APBB2: variants seen among roughly 807,000 people sequenced by gnomAD.
APBB2 encodes amyloid beta precursor protein binding family B member 2.
APBB2 carries 38 observed loss-of-function variants against 82.5 expected under a neutral mutation model. The observed-to-expected ratio is 0.46, with a 90% confidence interval of 0.36 to 0.60. APBB2 has a LOEUF of 0.60. Among genes scored for constraint, APBB2 ranks in the 20% least tolerant of loss-of-function variants. APBB2 has a pLI of 0.00. For missense variants in APBB2, 772 were observed against 972.3 expected (o/e 0.79, Z 2.74); for synonymous variants, 341 against 368.2 (o/e 0.93, Z 0.85).
intron 2 of APBB2, among the ~76,000 whole-genome samples, chr4:41,139,809 A>C (rs1324196765): frequency 1.3e-5 from 2 of 152,206 alleles, no homozygotes; most frequent in Non-Finnish European, 2.9e-5. Flanking sequence ...CAGTGAAACT[A>C]TTTTGTATGA....
At chr4:41,040,855 C>G (rs761649131) in intron 4 of APBB2, among the ~76,000 whole-genome samples, 5 of 152,178 alleles carry the variant, frequency 3.3e-5, no homozygotes, top group Non-Finnish European at 5.9e-5. Context: ...AAATAAAGCA[C>G]ACTTGAGAAC....
In APBB2 at chr4:41,049,323, G is replaced by T. The variant is rs1156414578; in HGVS notation, c.-50-16019C>A. On this transcript the variant is annotated intron_variant, in intron 4 of 17. Coordinates refer to ENST00000508593, the MANE Select transcript of APBB2 (RefSeq NM_004307.2). Reference sequence around the variant, plus strand: ...CCCTCTGCCCGGCAGCCGCCCCGTCGGAGAAGTGAGGAGCGTCTCCGACCG... The same window carrying T: ...CCCTCTGCCCGGCAGCCGCCCCGTCTGAGAAGTGAGGAGCGTCTCCGACCG... Among the ~76,000 whole-genome samples the T allele has an allele frequency of 5.3e-5, 5 of 94,746 alleles. No homozygotes were observed. The South Asian group carries it at 1.7e-3, about 32-fold the overall frequency. 62.2% of individuals were successfully genotyped at this position (94,746 alleles called of 152,430 possible).
intron 6 of APBB2, among the ~76,000 whole-genome samples, chr4:40,975,753 A>AACACACACACACACACACACACACAC: frequency 7.0e-6 from 1 of 142,012 alleles, no homozygotes; most frequent in Non-Finnish European, 1.5e-5. Flanking sequence ...GTAGTAAGAA[A>AACACACACACACACACACACACACAC]ACACACACAC....
chr4:41,050,474 C>T (rs1031991613), intron 4 of APBB2, among the ~76,000 whole-genome samples: 4 of 152,162 alleles, frequency 2.6e-5, no homozygotes, highest in African/African-American at 9.7e-5. Context: ...TATTGTTTTT[C>T]CAGAGGGTTT....
At chr4:41,032,519 T>G (rs979279391) in intron 5 of APBB2, among the ~76,000 whole-genome samples, 1 of 151,278 alleles carries the variant, frequency 6.6e-6, no homozygotes, top group African/African-American at 2.4e-5. Flanking sequence ...GGGGGGTTTC[T>G]GTCTAAGCAA....
At chr4:41,084,358 A>G (rs547511639) in intron 3 of APBB2, among the ~76,000 whole-genome samples, 24 of 152,328 alleles carry the variant, frequency 1.6e-4, no homozygotes, top group Non-Finnish European at 3.1e-4. Flanking sequence ...CAGGTGGCAG[A>G]GGTTGCAGTG....
chr4:41,074,505 C>T (rs961980178), intron 3 of APBB2, among the ~76,000 whole-genome samples: 1 of 152,046 alleles, frequency 6.6e-6, no homozygotes, highest in African/African-American at 2.4e-5. Flanking sequence ...CGTCTCAGAA[C>T]TTCTACATAC....
At position 40,814,358 on chromosome 4, in the gene APBB2, T is replaced by C. The variant is rs1745077670; in HGVS notation, c.*1734A>G. Reference sequence around the variant, plus strand: ...TTCCATACCTGCTCTTCTTAGTATATGCCCAGAATCATTCTGGAAAGGCTC... The same window carrying C: ...TTCCATACCTGCTCTTCTTAGTATACGCCCAGAATCATTCTGGAAAGGCTC... On this transcript the variant is annotated 3_prime_UTR_variant, in exon 18 of 18. Transcript: ENST00000508593. 1 of 152,164 alleles carries C rather than the reference T, an allele frequency of 6.6e-6. No homozygotes were observed. The allele number at this position is 152,164 out of a possible 1,614,324, so 9.4% of individuals were successfully genotyped here. A position where few individuals can be genotyped will look rare whatever the true frequency, so the allele number is the denominator to read the frequency against.
At chr4:41,081,573 G>A (rs73810821) in intron 3 of APBB2, among the ~76,000 whole-genome samples, 1,916 of 152,236 alleles carry the variant, frequency 0.013, 34 homozygotes, top group African/African-American at 0.044. Context: ...TGTGTCAAAT[G>A]CCTGAATTGA....
At chr4:40,969,285 C>T (rs879707828) in intron 6 of APBB2, among the ~76,000 whole-genome samples, 4 of 152,144 alleles carry the variant, frequency 2.6e-5, no homozygotes, top group Non-Finnish European at 5.9e-5. Flanking sequence ...AAGTTAAGGA[C>T]CCTGAAGTTA....
At chr4:40,950,355 CAT>C (rs1789759828) in intron 6 of APBB2, among the ~76,000 whole-genome samples, 2 of 152,200 alleles carry the variant, frequency 1.3e-5, no homozygotes, top group South Asian at 2.1e-4. Context: ...CACCAGGTAA[CAT>C]ATTCATATCA....
At chr4:41,186,754 T>C (rs1222717274) in intron 1 of APBB2, among the ~76,000 whole-genome samples, 1 of 152,214 alleles carries the variant, frequency 6.6e-6, no homozygotes. Flanking sequence ...GCACTATTAT[T>C]ATTACTAACT....
Position 41,149,821 on chromosome 4 carries a change from G to A in APBB2, c.-416-6679C>T, listed in dbSNP as rs150476740. 2.2e-3 allele frequency among the ~76,000 whole-genome samples: 341 copies of A among 152,254 alleles called. 1 individual carries two copies. Among genetic ancestry groups the A allele is most frequent in the African/African-American group, 7.9e-3 (328 of 41,552 alleles). ...ATGCTGTTCTCATGATAGTGAGTAA[G>A]TCTCACGAGATCTGATGGTTTTATA... On this transcript the variant is annotated intron_variant, in intron 1 of 17. Transcript: ENST00000508593.
intron 17 of APBB2, among the ~76,000 whole-genome samples, chr4:40,821,108 C>T (rs1244720722): frequency 5.9e-5 from 9 of 152,178 alleles, no homozygotes; most frequent in African/African-American, 9.7e-5. Context: ...TCAAGTGATC[C>T]GCCTGCCTCA....
At chr4:40,916,897 T>C (rs1303418552) in intron 10 of APBB2, among the ~76,000 whole-genome samples, 1 of 152,000 alleles carries the variant, frequency 6.6e-6, no homozygotes, top group Non-Finnish European at 1.5e-5. Flanking sequence ...GTGGAGTCTG[T>C]GGTGGGGAAG....
At chr4:40,892,466 G>A (rs1772338668) in intron 11 of APBB2, 3 of 152,162 alleles carry the variant, frequency 2.0e-5, no homozygotes, top group Non-Finnish European at 4.4e-5. Context: ...CTTCCCATTG[G>A]GATGTGCTGC....
At position 41,082,641 on chromosome 4, in the gene APBB2, T is replaced by C. The variant is rs149488478; in HGVS notation, c.-148-16968A>G. Among the ~76,000 whole-genome samples the C allele has an allele frequency of 2.7e-3, 416 of 151,596 alleles. 2 individuals are homozygous for C. Among genetic ancestry groups the C allele is most frequent in the African/African-American group, 9.7e-3 (401 of 41,320 alleles). The stretch of plus-strand genomic sequence containing the variant: ...AGGCTGAAGTACAATGACACAATCA[T>C]AGCTCCCTGCAGCTTCAAATCCCAG... On this transcript the variant is annotated intron_variant, in intron 3 of 17. Transcript: ENST00000508593.
intron 6 of APBB2, among the ~76,000 whole-genome samples, chr4:41,010,283 T>C (rs1396624262): frequency 6.6e-6 from 1 of 152,196 alleles, no homozygotes; most frequent in Non-Finnish European, 1.5e-5. Flanking sequence ...TTCGAGCATA[T>C]TTGATTTGAA....
intron 2 of APBB2, among the ~76,000 whole-genome samples, chr4:41,136,068 A>G (rs1341738975): frequency 6.6e-6 from 1 of 152,246 alleles, no homozygotes; most frequent in Non-Finnish European, 1.5e-5. Context: ...AATAGGCCAG[A>G]GTCTTCATGA....
Sources: gnomAD v4.1 joint callset for allele counts (sites outside exome capture counted in the v4.1 genomes callset) on GRCh38, gnomAD v4.1.1 for gene constraint, MANE v1.5 for transcripts, NCBI Gene and HGNC (gene_info 2026-07-23, HGNC 2026-07-21) for gene names.